Variants in TRAPPC9 observed in about 807,000 individuals in gnomAD.
TRAPPC9 encodes the protein trafficking protein particle complex subunit 9.
Under a neutral mutation model 124.0 loss-of-function variants are expected in TRAPPC9, and 83 were observed. The ratio of observed to expected loss-of-function variants is 0.67; its 90% confidence interval spans 0.56 to 0.80. TRAPPC9 has a LOEUF of 0.80. Ranked by LOEUF, TRAPPC9 falls within the 30% of genes least tolerant of loss-of-function variation. The probability of loss-of-function intolerance (pLI) is 0.00; values close to 1 mark genes in which losing one functional copy is unlikely to be tolerated. For synonymous variants in TRAPPC9, 638 were observed against 617.5 expected, an observed-to-expected ratio of 1.03 and a Z score of -0.49; for missense variants, 1,302 against 1,508.3, an observed-to-expected ratio of 0.86 and a Z score of 2.27.
At chr8:140,433,049 T>A (rs900651324) in intron 4 of TRAPPC9, among the ~76,000 whole-genome samples, 1 of 152,190 alleles carries the variant, frequency 6.6e-6, no homozygotes, top group Non-Finnish European at 1.5e-5. Flanking sequence ...ACACCTGTAA[T>A]CCCAGCACTT....
At chr8:140,355,912 T>C (rs1190043020) in intron 9 of TRAPPC9, among the ~76,000 whole-genome samples, 1 of 152,246 alleles carries the variant, frequency 6.6e-6, no homozygotes, top group African/African-American at 2.4e-5. Context: ...TCACCCTTTT[T>C]GAAAGATCAC....
intron 21 of TRAPPC9, among the ~76,000 whole-genome samples, chr8:139,789,478 C>A (rs938859836): frequency 6.6e-6 from 1 of 152,156 alleles, no homozygotes; most frequent in Admixed American, 6.5e-5. Flanking sequence ...CATCCCCCCC[C>A]AGGATATCTA....
chr8:139,805,531 T>C (rs944097054), intron 21 of TRAPPC9, among the ~76,000 whole-genome samples: 1 of 152,232 alleles, frequency 6.6e-6, no homozygotes, highest in Non-Finnish European at 1.5e-5. Flanking sequence ...GAGTATCCAG[T>C]GTGGGCTTGG....
At position 140,311,391 on chromosome 8, in the gene TRAPPC9, A is replaced by G; in HGVS notation, c.1496-17T>C. ...CTTTCTTTTCTGAAGAGAAGATGAA[A>G]ACAAAATAAAGATGTATTAGGCAAA... On this transcript the variant is annotated splice_polypyrimidine_tract_variant and intron_variant, in intron 9 of 22. Coordinates refer to ENST00000438773, the MANE Select transcript of TRAPPC9 (RefSeq NM_001160372.4). The G allele has an allele frequency of 6.2e-7, 1 of 1,612,742 alleles. No individual in the cohort carries two copies. The highest frequency in any genetic ancestry group is 8.5e-7 in the Non-Finnish European group (1 of 1,179,870).
At chr8:139,752,312 C>G (rs1258483548) in intron 21 of TRAPPC9, among the ~76,000 whole-genome samples, 1 of 149,172 alleles carries the variant, frequency 6.7e-6, no homozygotes, top group African/African-American at 2.5e-5. Context: ...TCCATCCATC[C>G]ACCCATCTAC....
chr8:140,026,471 T>C (rs570642582), intron 17 of TRAPPC9, among the ~76,000 whole-genome samples: 1 of 152,344 alleles, frequency 6.6e-6, no homozygotes, highest in South Asian at 2.1e-4. Context: ...AGGGTTCCTG[T>C]TTTCCTACAT....
intron 17 of TRAPPC9, among the ~76,000 whole-genome samples, chr8:140,183,294 AAC>A (rs1490007371): frequency 6.6e-6 from 1 of 152,188 alleles, no homozygotes; most frequent in African/African-American, 2.4e-5. Flanking sequence ...ACTGGAACAA[AAC>A]GTGTCCTTCT....
At chr8:140,327,935 C>G (rs771405696) in intron 9 of TRAPPC9, among the ~76,000 whole-genome samples, 1 of 152,108 alleles carries the variant, frequency 6.6e-6, no homozygotes, top group Non-Finnish European at 1.5e-5. Context: ...TATATCTTAC[C>G]ACAGTTTTCA....
Position 139,886,097 on chromosome 8 carries a change from A to G in TRAPPC9, c.2965-128T>C, listed in dbSNP as rs545069098. The G allele has an allele frequency of 2.6e-5, 22 of 862,652 alleles. No individual in the cohort carries two copies. The Admixed American group carries it at 3.2e-4, about 13-fold the overall frequency. 53.4% of individuals were successfully genotyped at this position (862,652 alleles called of 1,614,324 possible). On this transcript the variant is annotated intron_variant, in intron 20 of 22. Transcript: ENST00000438773. ...CAGATGTCTCCCCTCTTCTGAAGGGACTGTCTAACCAACCACTATGACATC... is the reference window on the plus strand; with the variant it reads ...CAGATGTCTCCCCTCTTCTGAAGGGGCTGTCTAACCAACCACTATGACATC...
At chr8:139,938,521 G>T (rs760836988) in intron 19 of TRAPPC9, among the ~76,000 whole-genome samples, 20 of 150,792 alleles carry the variant, frequency 1.3e-4, no homozygotes, top group Admixed American at 4.0e-4. Context: ...TCCTGACCTC[G>T]TGATCCTCCC....
chr8:140,299,797 G>A (rs558415110), intron 11 of TRAPPC9, among the ~76,000 whole-genome samples: 4 of 152,232 alleles, frequency 2.6e-5, no homozygotes, highest in Non-Finnish European at 5.9e-5. Context: ...TCAGACACAG[G>A]AAAGCTCAGG....
chr8:139,988,856 A>G lies in TRAPPC9; in HGVS notation c.2700-20T>C. ...CGGGTACTGCGTTAAAGAAAAAAGA[A>G]AGTTCAGAATCCTCTGACAGCCAAA... On this transcript the variant is annotated intron_variant, in intron 18 of 22. Coordinates refer to ENST00000438773, the MANE Select transcript of TRAPPC9 (RefSeq NM_001160372.4). The G allele has an allele frequency of 1.3e-6, 2 of 1,483,996 alleles. No homozygotes were observed. Among genetic ancestry groups the G allele is most frequent in the Non-Finnish European group, 1.8e-6 (2 of 1,086,378 alleles). The allele number at this position is 1,483,996 out of a possible 1,614,324, so 91.9% of individuals were successfully genotyped here.
chr8:140,313,478 G>A (rs566979987), intron 9 of TRAPPC9, among the ~76,000 whole-genome samples: 60 of 152,318 alleles, frequency 3.9e-4, no homozygotes, highest in Admixed American at 1.4e-3. Flanking sequence ...CTGCTTCACC[G>A]CAGCGTGGTC....
At chr8:140,114,177 C>T (rs1269121282) in intron 17 of TRAPPC9, among the ~76,000 whole-genome samples, 3 of 152,030 alleles carry the variant, frequency 2.0e-5, no homozygotes, top group Non-Finnish European at 4.4e-5. Flanking sequence ...GTTTCCAATC[C>T]CCTCACCTAA....
intron 14 of TRAPPC9, among the ~76,000 whole-genome samples, chr8:140,278,414 ATTT>A (rs750644540): frequency 2.6e-5 from 4 of 152,112 alleles, no homozygotes; most frequent in African/African-American, 4.8e-5. Flanking sequence ...CCGTGACAAT[ATTT>A]TTATCTTGCA....
chr8:140,153,104 T>C (rs1455534084), intron 17 of TRAPPC9, among the ~76,000 whole-genome samples: 3 of 152,192 alleles, frequency 2.0e-5, no homozygotes, highest in African/African-American at 7.2e-5. Context: ...CATGAAAGGA[T>C]ACCCTCAGTC....
At chr8:140,119,028 G>A (rs999240948) in intron 17 of TRAPPC9, among the ~76,000 whole-genome samples, 3 of 152,230 alleles carry the variant, frequency 2.0e-5, no homozygotes, top group Non-Finnish European at 2.9e-5. Flanking sequence ...CCTTCCAAAT[G>A]CAGTCTAATG....
At chr8:140,452,896 G>A (rs906931386) in intron 1 of TRAPPC9, among the ~76,000 whole-genome samples, 1 of 152,148 alleles carries the variant, frequency 6.6e-6, no homozygotes, top group Non-Finnish European at 1.5e-5. Context: ...CTGAACCCTA[G>A]TTTCATTGTG....
At chr8:139,916,638 T>C (rs1832152893) in intron 19 of TRAPPC9, 1 of 152,268 alleles carries the variant, frequency 6.6e-6, no homozygotes, top group Non-Finnish European at 1.5e-5. Context: ...ATTTTCATGT[T>C]TAATTTTATG....
Sources: allele counts gnomAD v4.1 joint callset (sites outside exome capture counted in the v4.1 genomes callset), GRCh38; gene constraint gnomAD v4.1.1; transcripts MANE v1.5; gene names NCBI Gene and HGNC (gene_info 2026-07-23, HGNC 2026-07-21).